RASSF2: variants seen among roughly 807,000 people sequenced by gnomAD.
RASSF2 encodes ras association domain-containing protein 2.
Under a neutral mutation model 46.3 loss-of-function variants are expected in RASSF2, and 34 were observed. The observed-to-expected ratio is 0.73, with a 90% CI of 0.56 to 0.98. The LOEUF is 0.98. Ranked by LOEUF, RASSF2 falls within the 50% of genes least tolerant of loss-of-function variation. The pLI is 0.00. For synonymous variants in RASSF2, 158 were observed against 162.5 expected (o/e 0.97, Z 0.21); for missense variants, 364 against 431.2 (o/e 0.84, Z 1.38).
rs775716473 is a variant in RASSF2 at position 4,792,645 on chromosome 20, A to G, written c.288-18T>C. The G allele has an allele frequency of 1.9e-6, 3 of 1,611,908 alleles. No homozygotes were observed. Among genetic ancestry groups the G allele is most frequent in the Non-Finnish European group, 2.5e-6 (3 of 1,178,942 alleles). On this transcript the variant is annotated intron_variant, in intron 5 of 11. Transcript: ENST00000379400. ...GAGTGGTTCTGGGAGTGGAGAAGAC[A>G]AAGGGGAGGGGGGAGACTAGTTTAA...
chr20:4,814,760 A>C (rs1048388754), intron 2 of RASSF2, among the ~76,000 whole-genome samples: 7 of 152,276 alleles, frequency 4.6e-5, no homozygotes, highest in African/African-American at 9.6e-5. Context: ...CTCACTGCAG[A>C]TCTCAGACCC....
At chr20:4,787,057 C>CA (rs112411943) in intron 10 of RASSF2, among the ~76,000 whole-genome samples, 192 of 135,800 alleles carry the variant, frequency 1.4e-3, no homozygotes, top group African/African-American at 1.1e-3. Context: ...GACTCCATCC[C>CA]AAAAAAAAAA....
chr20:4,807,438 A>G (rs6084899), intron 2 of RASSF2, among the ~76,000 whole-genome samples: 37,912 of 152,088 alleles, frequency 0.25, 5,046 homozygotes, highest in African/African-American at 0.3. Context: ...ATACATAAAG[A>G]GCTTTAATAA....
At chr20:4,818,557 T>C (rs1039304420) in intron 2 of RASSF2, among the ~76,000 whole-genome samples, 16 of 152,170 alleles carry the variant, frequency 1.1e-4, no homozygotes, top group African/African-American at 3.4e-4. Flanking sequence ...ACCAGGTTGG[T>C]AGAGTGAAGT....
In RASSF2 at chr20:4,801,840, G is replaced by A. The variant is rs114478946; in HGVS notation, c.-32-778C>T. Among the ~76,000 whole-genome samples the A allele has an allele frequency of 3.9e-3, 594 of 151,952 alleles. 2 individuals are homozygous for A. The highest frequency in any genetic ancestry group is 0.014 in the African/African-American group (572 of 41,442). ...TGCAACCTCCCTCTCCCAGGTTCAG[G>A]TGATTCTCTTGCCTCAGCTTCCCAA... is the stretch of plus-strand genomic sequence containing the variant. On this transcript the variant is annotated intron_variant, in intron 2 of 11. Transcript: ENST00000379400.
At chr20:4,807,042 GA>G (rs1195019543) in intron 2 of RASSF2, among the ~76,000 whole-genome samples, 1 of 152,034 alleles carries the variant, frequency 6.6e-6, no homozygotes, top group East Asian at 1.9e-4. Flanking sequence ...TGGTTCTACA[GA>G]AAAAAATAGC....
At chr20:4,791,024 A>G (rs2422994) in intron 6 of RASSF2, among the ~76,000 whole-genome samples, 101,645 of 152,070 alleles carry the variant, frequency 0.67, 34,206 homozygotes, top group East Asian at 0.79. Flanking sequence ...AGATACTGCA[A>G]ACAAACTCTG....
chr20:4,790,560 G>T lies in RASSF2; in HGVS notation c.428C>A (p.Thr143Lys). 6.5e-7 allele frequency: 1 copy of T among 1,538,932 alleles called. No individual in the cohort carries two copies. The highest frequency in any genetic ancestry group is 8.7e-7 in the Non-Finnish European group (1 of 1,150,894). ...GCGACGCACCCCAACATCACTGCGT[G>T]TGCGCATCAGCTGTGGGGTGTCCTC... ...LQEDTPQLMR[T>K]RSDVGVRRRG... Residue 143 changes from threonine (T) to lysine (K), a missense_variant, in exon 7 of 12, where the codon ACA becomes AAA. By Grantham distance (78) the Thr-to-Lys change is moderately conservative. Transcript: ENST00000379400. The surrounding 1 kb of genome is among the most constrained non-coding windows in gnomAD (Gnocchi z 4.3).
intron 2 of RASSF2, among the ~76,000 whole-genome samples, chr20:4,820,707 G>A (rs985979909): frequency 2.0e-5 from 3 of 152,032 alleles, no homozygotes; most frequent in African/African-American, 7.2e-5. Flanking sequence ...ACTACAGATT[G>A]AAGATAGAGG....
rs558162521 is a variant in RASSF2 at position 4,822,255 on chromosome 20, T to A, written c.-33+74A>T. 3 of 152,346 alleles carry A rather than the reference T, an allele frequency of 2.0e-5. No individual in the cohort carries two copies. In the South Asian group the frequency reaches 6.2e-4, roughly 32 times the overall value. The allele number at this position is 152,346 out of a possible 1,614,324, so 9.4% of individuals were successfully genotyped here. ...AAGATCAACTGTGGCAGGAACTGGG[T>A]CCCCCTCCAGGACAAATTGTTGTTT... On this transcript the variant is annotated intron_variant, in intron 2 of 11. Coordinates refer to ENST00000379400, the MANE Select transcript of RASSF2 (RefSeq NM_014737.3).
At chr20:4,805,866 G>T (rs1422105936) in intron 2 of RASSF2, among the ~76,000 whole-genome samples, 2 of 152,184 alleles carry the variant, frequency 1.3e-5, no homozygotes, top group East Asian at 3.9e-4. Context: ...TGCTGGCGAG[G>T]ACCGCAACGT....
At position 4,795,672 on chromosome 20, in the gene RASSF2, G is replaced by T; in HGVS notation, c.287+143C>A. On this transcript the variant is annotated intron_variant, in intron 5 of 11. Transcript: ENST00000379400. This position sits in a 1 kb window ranked among gnomAD's most constrained non-coding sequence, Gnocchi z 4.0. The stretch of plus-strand genomic sequence containing the variant: ...TCTGCTGCTTGTTCCTCATTCCAAG[G>T]CTAAGGCAGGTGGGCAGTAGAGGTA... 9.8e-7 allele frequency: 1 copy of T among 1,024,582 alleles called. No individual in the cohort carries two copies. The highest frequency in any genetic ancestry group is 1.4e-6 in the Non-Finnish European group (1 of 713,158). The allele number at this position is 1,024,582 out of a possible 1,614,324, so 63.5% of individuals were successfully genotyped here.
rs374326944 is a variant in RASSF2, at chr20:4,790,434, C to T, written c.537+17G>A. 4.9e-6 allele frequency: 7 copies of T among 1,441,592 alleles called. No individual in the cohort carries two copies. Among genetic ancestry groups the T allele is most frequent in the Non-Finnish European group, 6.4e-6 (7 of 1,095,708 alleles). 89.3% of individuals were successfully genotyped at this position (1,441,592 alleles called of 1,614,324 possible). A position where few individuals can be genotyped will look rare whatever the true frequency, so the allele number is the denominator to read the frequency against. On this transcript the variant is annotated intron_variant, in intron 7 of 11. Transcript: ENST00000379400. The surrounding 1 kb of genome is among the most constrained non-coding windows in gnomAD (Gnocchi z 4.3). ...GGAAGAGGTCTTCCACCCTCCCCGTCCCCCTGTCCACCTTACCTTATGGTT... is the reference window on the plus strand; with the variant it reads ...GGAAGAGGTCTTCCACCCTCCCCGTTCCCCTGTCCACCTTACCTTATGGTT...
intron 11 of RASSF2, among the ~76,000 whole-genome samples, chr20:4,785,652 G>GCTA (rs143820563): frequency 7.2e-4 from 110 of 152,258 alleles, no homozygotes; most frequent in African/African-American, 2.6e-3. Flanking sequence ...AGTAGCTCAG[G>GCTA]CTACATCCAC....
At chr20:4,791,563 T>A (rs1925880262) in intron 6 of RASSF2, among the ~76,000 whole-genome samples, 1 of 152,226 alleles carries the variant, frequency 6.6e-6, no homozygotes, top group African/African-American at 2.4e-5. Context: ...ACAAGTAGGT[T>A]AATCTGCTCT....
At position 4,790,436 on chromosome 20, in the gene RASSF2, C is replaced by A. The variant is rs1925769679; in HGVS notation, c.537+15G>T. ...AAGAGGTCTTCCACCCTCCCCGTCC[C>A]CCTGTCCACCTTACCTTATGGTTGT... On this transcript the variant is annotated intron_variant, in intron 7 of 11. Coordinates refer to ENST00000379400, the MANE Select transcript of RASSF2 (RefSeq NM_014737.3). This position sits in a 1 kb window ranked among gnomAD's most constrained non-coding sequence, Gnocchi z 4.3. 6.9e-7 allele frequency: 1 copy of A among 1,446,394 alleles called. No individual in the cohort carries two copies. The highest frequency in any genetic ancestry group is 9.1e-7 in the Non-Finnish European group (1 of 1,098,336). 89.6% of individuals were successfully genotyped at this position (1,446,394 alleles called of 1,614,324 possible).
At chr20:4,792,197 A>C (rs1925932294) in intron 6 of RASSF2, among the ~76,000 whole-genome samples, 1 of 140,242 alleles carries the variant, frequency 7.1e-6, no homozygotes, top group South Asian at 2.5e-4. Context: ...CCAAGATTGC[A>C]CTACTGCACT....
intron 2 of RASSF2, among the ~76,000 whole-genome samples, chr20:4,803,895 C>CA (rs1927116057): frequency 6.6e-6 from 1 of 151,886 alleles, no homozygotes; most frequent in Non-Finnish European, 1.5e-5. Context: ...CCCATCTCTA[C>CA]AAAAAATAAA....
intron 2 of RASSF2, among the ~76,000 whole-genome samples, chr20:4,818,767 T>G (rs1356932175): frequency 2.6e-5 from 4 of 152,182 alleles, no homozygotes; most frequent in Non-Finnish European, 5.9e-5. Context: ...CAAAGCACTG[T>G]AACTCTCTAT....
Sources: allele counts gnomAD v4.1 joint callset (sites outside exome capture counted in the v4.1 genomes callset), GRCh38; gene constraint gnomAD v4.1.1; non-coding constraint Gnocchi (gnomAD v3.1); transcripts MANE v1.5; gene names NCBI Gene and HGNC (gene_info 2026-07-23, HGNC 2026-07-21).